Variants in CTNNA3 observed in about 807,000 individuals in gnomAD.
The protein encoded by CTNNA3 is catenin alpha-3.
CTNNA3 carries 76 observed loss-of-function variants against 95.7 expected under a neutral mutation model. The observed-to-expected ratio is 0.79, with a 90% confidence interval of 0.66 to 0.96. CTNNA3 has a LOEUF of 0.96. Ranked by LOEUF, CTNNA3 falls within the 40% of genes least tolerant of loss-of-function variation. The pLI is 0.00. For missense variants in CTNNA3, 1,191 were observed against 1,089.8 expected, an observed-to-expected ratio of 1.09 and a Z score of -1.31; for synonymous variants, 431 against 374.4, an observed-to-expected ratio of 1.15 and a Z score of -1.74.
At chr10:67,292,965 TA>T (rs1397970960) in intron 5 of CTNNA3, among the ~76,000 whole-genome samples, 2 of 152,054 alleles carry the variant, frequency 1.3e-5, no homozygotes, top group South Asian at 4.2e-4. Context: ...TGTCCAATAC[TA>T]GATAAATAAA....
chr10:67,285,795 T>G (rs1379724194), intron 5 of CTNNA3, among the ~76,000 whole-genome samples: 1 of 152,204 alleles, frequency 6.6e-6, no homozygotes, highest in Non-Finnish European at 1.5e-5. Context: ...GCAGGAAATG[T>G]GTTTGATTTT....
chr10:66,709,650 A>G (rs1848228260), intron 9 of CTNNA3, among the ~76,000 whole-genome samples: 1 of 152,146 alleles, frequency 6.6e-6, no homozygotes, highest in African/African-American at 2.4e-5. Flanking sequence ...TATGAATTAT[A>G]TTAAAAGTTG....
rs58455418 is a variant in CTNNA3, at chr10:66,534,469, CATATATATATATATATATATAT to C, written c.1375-13718_1375-13697del. On this transcript the variant is annotated intron_variant, in intron 10 of 17. Coordinates refer to ENST00000433211, the MANE Select transcript of CTNNA3 (RefSeq NM_013266.4). ...AACTAGGATAGGATTTTATAAAAAT[CATATATATATATATATATATAT>C]ATATATATATGTATATATATGATTT... Among the ~76,000 whole-genome samples the C allele has an allele frequency of 3.3e-4, 48 of 146,932 alleles. 1 individual carries two copies. Among genetic ancestry groups the C allele is most frequent in the Admixed American group, 1.0e-3 (15 of 14,678 alleles).
At position 66,094,177 on chromosome 10, in the gene CTNNA3, G is replaced by T. The variant is rs140320548; in HGVS notation, c.1977+8980C>A. Among the ~76,000 whole-genome samples, 793 of 152,058 alleles carry T rather than the reference G, an allele frequency of 5.2e-3. 2 individuals are homozygous for T. Among genetic ancestry groups the T allele is most frequent in the Admixed American group, 8.4e-3 (128 of 15,234 alleles). On this transcript the variant is annotated intron_variant, in intron 14 of 17. Transcript: ENST00000433211. The stretch of plus-strand genomic sequence containing the variant: ...CTAGTAAAGGGAAAGAGGGGGCAGC[G>T]TAGGAATTGTGTTTCTCAGAGATAA...
chr10:67,173,603 A>C (rs1264439794), intron 7 of CTNNA3, among the ~76,000 whole-genome samples: 5 of 152,138 alleles, frequency 3.3e-5, no homozygotes, highest in African/African-American at 9.7e-5. Flanking sequence ...ATCACTCTTC[A>C]TTCTACCATC....
intron 9 of CTNNA3, among the ~76,000 whole-genome samples, chr10:66,687,942 T>C (rs1041825698): frequency 1.3e-5 from 2 of 152,106 alleles, no homozygotes; most frequent in Non-Finnish European, 2.9e-5. Context: ...CTTAATTGTG[T>C]TGAAGATTTT....
chr10:66,245,645 C>T (rs575338444), intron 13 of CTNNA3, among the ~76,000 whole-genome samples: 4 of 152,268 alleles, frequency 2.6e-5, no homozygotes, highest in South Asian at 4.1e-4. Flanking sequence ...ACAGAAGAGA[C>T]CAAGGAGTGG....
intron 13 of CTNNA3, among the ~76,000 whole-genome samples, chr10:66,125,478 A>G (rs2082779030): frequency 6.6e-6 from 1 of 152,206 alleles, no homozygotes; most frequent in Non-Finnish European, 1.5e-5. Context: ...ATATGCTGAC[A>G]ATAAAAAACA....
intron 13 of CTNNA3, among the ~76,000 whole-genome samples, chr10:66,189,823 C>T (rs1030885428): frequency 5.3e-5 from 8 of 151,762 alleles, no homozygotes; most frequent in African/African-American, 1.9e-4. Context: ...TTTCAGCCCA[C>T]AGAACTTCCT....
chr10:66,208,054 G>A (rs1486719583), intron 13 of CTNNA3, among the ~76,000 whole-genome samples: 5 of 152,062 alleles, frequency 3.3e-5, no homozygotes, highest in Non-Finnish European at 7.4e-5. Context: ...ATGAGAAAAT[G>A]TGAAGAAAGA....
chr10:67,070,857 T>C (rs1856411976), intron 7 of CTNNA3, among the ~76,000 whole-genome samples: 3 of 152,230 alleles, frequency 2.0e-5, no homozygotes, highest in African/African-American at 7.2e-5. Context: ...GTTTACTATA[T>C]TCTTTTTTTC....
chr10:66,619,741 A>T (rs188886923), intron 10 of CTNNA3, among the ~76,000 whole-genome samples: 133 of 150,880 alleles, frequency 8.8e-4, no homozygotes, highest in African/African-American at 2.7e-3. Context: ...AGTAAAAAAT[A>T]AAAAAAAAGA....
intron 11 of CTNNA3, among the ~76,000 whole-genome samples, chr10:66,431,445 A>G (rs1321023467): frequency 6.6e-6 from 1 of 152,144 alleles, no homozygotes; most frequent in African/African-American, 2.4e-5. Flanking sequence ...ACACATGCAC[A>G]TGTATGTTTA....
At chr10:67,475,803 C>T (rs1847986202) in intron 5 of CTNNA3, among the ~76,000 whole-genome samples, 1 of 152,034 alleles carries the variant, frequency 6.6e-6, no homozygotes, top group South Asian at 2.1e-4. Flanking sequence ...ATAAAAGCTT[C>T]CATTGGATTT....
chr10:66,270,144 A>ACTGATT (rs1419101076), intron 13 of CTNNA3, among the ~76,000 whole-genome samples: 1 of 150,280 alleles, frequency 6.7e-6, no homozygotes, highest in African/African-American at 2.5e-5. Context: ...CTTGGGGTCT[A>ACTGATT]ATGATTACAT....
intron 7 of CTNNA3, among the ~76,000 whole-genome samples, chr10:66,971,926 C>T (rs1037923726): frequency 6.6e-6 from 1 of 151,412 alleles, no homozygotes; most frequent in Non-Finnish European, 1.5e-5. Context: ...TGCTAATGTA[C>T]TTCAGTATAT....
At chr10:66,457,648 A>G (rs1364990676) in intron 11 of CTNNA3, among the ~76,000 whole-genome samples, 1 of 151,608 alleles carries the variant, frequency 6.6e-6, no homozygotes, top group Non-Finnish European at 1.5e-5. Flanking sequence ...GTTAAAAAAA[A>G]AAGTTTATGT....
At chr10:67,603,415 C>T (rs1355092737) in intron 3 of CTNNA3, among the ~76,000 whole-genome samples, 1 of 152,098 alleles carries the variant, frequency 6.6e-6, no homozygotes, top group East Asian at 1.9e-4. Context: ...GTTTTGGTAA[C>T]ACTTCCAGAA....
rs188736035 is a variant in CTNNA3 at position 66,071,157 on chromosome 10, A to G, written c.1978-1668T>C. On this transcript the variant is annotated intron_variant, in intron 14 of 17. Coordinates refer to ENST00000433211, the MANE Select transcript of CTNNA3 (RefSeq NM_013266.4). ...TAGGTGAAAAATTCTTTATTGAATT[A>G]TTTTGTTCAAGTTAAACAAAGAAAC... Among the ~76,000 whole-genome samples the G allele has an allele frequency of 2.5e-3, 388 of 152,318 alleles. 5 individuals carry two copies. The highest frequency in any genetic ancestry group is 9.0e-3 in the African/African-American group (375 of 41,576).
Sources: gnomAD v4.1 joint callset for allele counts (sites outside exome capture counted in the v4.1 genomes callset) on GRCh38, gnomAD v4.1.1 for gene constraint, MANE v1.5 for transcripts, NCBI Gene and HGNC (gene_info 2026-07-23, HGNC 2026-07-21) for gene names.